Variants in CSMD1 observed in about 807,000 individuals in gnomAD.
CSMD1 encodes the protein CUB and Sushi multiple domains 1, also known as CUB and sushi domain-containing protein 1.
A neutral mutation model predicts 417.5 loss-of-function variants in CSMD1; 213 were observed. The ratio of observed to expected loss-of-function variants is 0.51; its 90% CI spans 0.46 to 0.57. The LOEUF (loss-of-function observed/expected upper bound fraction) is 0.57, where lower values mean the gene tolerates loss of function less well. Ranked by LOEUF, CSMD1 falls within the 20% of genes least tolerant of loss-of-function variation. The pLI is 0.00. For synonymous variants in CSMD1, 2,862 were observed against 1,736.8 expected (o/e 1.65, Z -16.11); for missense variants, 6,923 against 4,529.7 (o/e 1.53, Z -15.17).
chr8:3,554,047 A>G (rs1416612215), intron 10 of CSMD1, among the ~76,000 whole-genome samples: 1 of 152,202 alleles, frequency 6.6e-6, no homozygotes, highest in Non-Finnish European at 1.5e-5. Flanking sequence ...ATAGTTTTGA[A>G]AGATGGGATG....
chr8:2,998,767 G>T (rs762464082), intron 53 of CSMD1, among the ~76,000 whole-genome samples: 1 of 152,174 alleles, frequency 6.6e-6, no homozygotes, highest in Non-Finnish European at 1.5e-5. Flanking sequence ...TCATGCCCCA[G>T]ATAACAGCAA....
intron 2 of CSMD1, among the ~76,000 whole-genome samples, chr8:4,576,201 C>T (rs1296384715): frequency 5.3e-5 from 8 of 152,202 alleles, no homozygotes; most frequent in African/African-American, 9.7e-5. Flanking sequence ...CTGTAGGCTA[C>T]ACTACTCCAG....
intron 3 of CSMD1, among the ~76,000 whole-genome samples, chr8:4,352,406 A>C (rs1032371013): frequency 1.3e-5 from 2 of 152,232 alleles, no homozygotes; most frequent in Non-Finnish European, 2.9e-5. Flanking sequence ...AGAAAATGAG[A>C]ACACCAGTAT....
chr8:4,899,923 G>C (rs188988868), intron 1 of CSMD1, among the ~76,000 whole-genome samples: 1 of 152,196 alleles, frequency 6.6e-6, no homozygotes, highest in Non-Finnish European at 1.5e-5. Context: ...CCCATCACCA[G>C]AGTCTTGTTC....
chr8:3,891,200 C>A (rs946972162), intron 5 of CSMD1, among the ~76,000 whole-genome samples: 1 of 152,078 alleles, frequency 6.6e-6, no homozygotes, highest in East Asian at 1.9e-4. Flanking sequence ...CATGTGCCAT[C>A]ATGCCTGGCT....
At chr8:4,383,997 A>G (rs1205841932) in intron 3 of CSMD1, among the ~76,000 whole-genome samples, 2 of 152,186 alleles carry the variant, frequency 1.3e-5, no homozygotes, top group Admixed American at 6.5e-5. Flanking sequence ...GCACTTGGAC[A>G]AGAAGGATCC....
intron 2 of CSMD1, among the ~76,000 whole-genome samples, chr8:4,596,787 T>C (rs1482856913): frequency 3.3e-5 from 5 of 152,072 alleles, no homozygotes; most frequent in Admixed American, 6.5e-5. Flanking sequence ...AAATCTCAAC[T>C]TGAATTCTAT....
chr8:3,434,081 A>G (rs1246287887), intron 12 of CSMD1, among the ~76,000 whole-genome samples: 2 of 152,342 alleles, frequency 1.3e-5, no homozygotes, highest in Non-Finnish European at 2.9e-5. Context: ...CTGAGGTCTT[A>G]GTAGCATCTG....
In CSMD1 at chr8:3,684,504, A is replaced by G. The variant is rs570159107; in HGVS notation, c.1009+23910T>C. On this transcript the variant is annotated intron_variant, in intron 7 of 69. Coordinates refer to ENST00000635120, the MANE Select transcript of CSMD1 (RefSeq NM_033225.6). Reference sequence around the variant, plus strand: ...TTCTTTGCTTGCTAATTATGAACATATATTTTATCTTTTTTACTGGCCATC... The same window carrying G: ...TTCTTTGCTTGCTAATTATGAACATGTATTTTATCTTTTTTACTGGCCATC... 2.4e-4 allele frequency among the ~76,000 whole-genome samples: 36 copies of G among 150,584 alleles called. No individual in the cohort carries two copies. The South Asian group carries it at 5.4e-3, about 23-fold the overall frequency.
intron 12 of CSMD1, among the ~76,000 whole-genome samples, chr8:3,415,545 G>C (rs1239201948): frequency 6.6e-6 from 1 of 152,126 alleles, no homozygotes; most frequent in Non-Finnish European, 1.5e-5. Flanking sequence ...TTTTAGCAGC[G>C]ATGGAGTTTC....
intron 3 of CSMD1, among the ~76,000 whole-genome samples, chr8:4,153,295 C>T (rs1796666238): frequency 6.6e-6 from 1 of 152,156 alleles, no homozygotes; most frequent in African/African-American, 2.4e-5. Context: ...TGACTCAGTT[C>T]ATCTCCGGGC....
chr8:3,105,131 A>G lies in CSMD1; in HGVS notation c.6949+1397T>C, dbSNP rs147027088. On this transcript the variant is annotated intron_variant, in intron 46 of 69. Transcript: ENST00000635120. ...AGGCAGTTAACATTATAAAACACTC[A>G]AAAAGATAAATTCATTTAATACTCG... Among the ~76,000 whole-genome samples, 53 of 152,372 alleles carry G rather than the reference A, an allele frequency of 3.5e-4. 1 individual carries two copies. The highest frequency in any genetic ancestry group is 2.9e-3 in the South Asian group (14 of 4,828).
chr8:4,088,345 A>G (rs1800530974), intron 3 of CSMD1, among the ~76,000 whole-genome samples: 1 of 152,236 alleles, frequency 6.6e-6, no homozygotes, highest in Non-Finnish European at 1.5e-5. Flanking sequence ...CTGGCTTTGC[A>G]GCACAGAAGA....
chr8:4,764,459 GTCTGTATTCT>G (rs1812312779), intron 1 of CSMD1, among the ~76,000 whole-genome samples: 1 of 151,942 alleles, frequency 6.6e-6, no homozygotes, highest in Non-Finnish European at 1.5e-5. Context: ...TTACGTTATC[GTCTGTATTCT>G]TAAAAGTATT....
intron 3 of CSMD1, among the ~76,000 whole-genome samples, chr8:4,374,317 A>G (rs1423280819): frequency 6.6e-6 from 1 of 152,200 alleles, no homozygotes; most frequent in Non-Finnish European, 1.5e-5. Context: ...ATATAATTAC[A>G]GTACAATGTA....
intron 2 of CSMD1, among the ~76,000 whole-genome samples, chr8:4,535,751 G>A (rs1797072378): frequency 6.6e-6 from 1 of 152,162 alleles, no homozygotes. Flanking sequence ...AGTACTCATT[G>A]TTAATAGGTT....
chr8:4,127,762 A>G (rs1457799887), intron 3 of CSMD1, among the ~76,000 whole-genome samples: 1 of 152,212 alleles, frequency 6.6e-6, no homozygotes, highest in Non-Finnish European at 1.5e-5. Flanking sequence ...AAGTCTTGAC[A>G]TATATTGTCT....
At chr8:4,731,819 G>C (rs1182312792) in intron 1 of CSMD1, among the ~76,000 whole-genome samples, 1 of 152,142 alleles carries the variant, frequency 6.6e-6, no homozygotes, top group Non-Finnish European at 1.5e-5. Flanking sequence ...ACAACTCACA[G>C]TGTTTTTCTT....
chr8:4,040,667 A>G (rs1797839328), intron 3 of CSMD1, among the ~76,000 whole-genome samples: 1 of 152,188 alleles, frequency 6.6e-6, no homozygotes, highest in African/African-American at 2.4e-5. Flanking sequence ...TAGTTTTAAA[A>G]AACATGTTTC....
Sources: gnomAD v4.1 joint callset for allele counts (sites outside exome capture counted in the v4.1 genomes callset) on GRCh38, gnomAD v4.1.1 for gene constraint, MANE v1.5 for transcripts, NCBI Gene and HGNC (gene_info 2026-07-23, HGNC 2026-07-21) for gene names.